DSCAM: variants seen among roughly 807,000 people sequenced by gnomAD.
DSCAM encodes cell adhesion molecule DSCAM.
DSCAM carries 47 observed loss-of-function variants against 217.7 expected under a neutral mutation model. The ratio of observed to expected loss-of-function variants is 0.22; its 90% CI spans 0.17 to 0.28. DSCAM has a LOEUF of 0.28. DSCAM is among the 10% of genes least tolerant of loss of function. DSCAM has a pLI of 1.00. For missense variants in DSCAM, 2,080 were observed against 2,618.3 expected, an observed-to-expected ratio of 0.79 and a Z score of 4.49; for synonymous variants, 1,056 against 1,015.3, an observed-to-expected ratio of 1.04 and a Z score of -0.76.
chr21:40,224,763 C>T (rs1054782960), intron 11 of DSCAM, among the ~76,000 whole-genome samples: 1 of 152,148 alleles, frequency 6.6e-6, no homozygotes, highest in Non-Finnish European at 1.5e-5. Context: ...AGAGACACTG[C>T]ATCCTCTCAA....
intron 8 of DSCAM, 78 bp from the exon 9 acceptor site, chr21:40,312,437 G>T: frequency 6.6e-7 from 1 of 1,507,252 alleles, no homozygotes; most frequent in Non-Finnish European, 9.0e-7. Context: ...ATACGGCACT[G>T]AAAGGGTAGT....
intron 18 of DSCAM, among the ~76,000 whole-genome samples, chr21:40,135,438 C>A (rs1800561827): frequency 6.6e-6 from 1 of 152,198 alleles, no homozygotes; most frequent in South Asian, 2.1e-4. Context: ...ATTTTACAGA[C>A]AAGGAAGTCG....
chr21:40,676,871 T>C (rs1451754528), intron 3 of DSCAM, among the ~76,000 whole-genome samples: 1 of 152,184 alleles, frequency 6.6e-6, no homozygotes, highest in Non-Finnish European at 1.5e-5. Flanking sequence ...AAATCAGAAC[T>C]GTGGAAACGA....
chr21:40,195,341 C>T (rs1431342585), intron 11 of DSCAM, among the ~76,000 whole-genome samples: 2 of 151,984 alleles, frequency 1.3e-5, no homozygotes. Flanking sequence ...GAAAAGAAAA[C>T]AGATTGAAAA....
At chr21:40,515,228 AAG>A (rs1255023885) in intron 3 of DSCAM, among the ~76,000 whole-genome samples, 5 of 152,206 alleles carry the variant, frequency 3.3e-5, no homozygotes, top group African/African-American at 1.2e-4. Flanking sequence ...TTCCTTGAAA[AAG>A]AGTTTTTGCC....
intron 10 of DSCAM, among the ~76,000 whole-genome samples, chr21:40,286,716 GCAGTGTGATCCA>G (rs1189487794): frequency 2.0e-5 from 3 of 150,008 alleles, no homozygotes; most frequent in African/African-American, 4.9e-5. Context: ...AGTGTCATCT[GCAGTGTGATCCA>G]CAGTGTGATC....
At position 40,409,518 on chromosome 21, in the gene DSCAM, C is replaced by A. The variant is rs7276716; in HGVS notation, c.509-40273G>T. 7.2e-5 allele frequency among the ~76,000 whole-genome samples: 11 copies of A among 152,244 alleles called. 1 individual carries two copies. The highest frequency in any genetic ancestry group is 2.4e-4 in the African/African-American group (10 of 41,538). On this transcript the variant is annotated intron_variant, in intron 3 of 32. Transcript: ENST00000400454. ...ATGTAGGAAAAAGTACTAGAGGAAT[C>A]CTAGTGAGAGGTGGACAGATCCTGA...
intron 1 of DSCAM, among the ~76,000 whole-genome samples, chr21:40,764,951 G>T (rs1225425069): frequency 6.6e-6 from 1 of 152,092 alleles, no homozygotes. Context: ...GGCCTGTCAG[G>T]GGGTGGAGGG....
intron 11 of DSCAM, among the ~76,000 whole-genome samples, chr21:40,239,559 TG>T (rs1290395223): frequency 3.4e-4 from 52 of 152,304 alleles, no homozygotes; most frequent in African/African-American, 1.2e-3. Context: ...CAGCATAAGG[TG>T]AATGAGATCA....
intron 3 of DSCAM, among the ~76,000 whole-genome samples, chr21:40,668,034 G>C (rs1360746958): frequency 6.6e-6 from 1 of 152,144 alleles, no homozygotes; most frequent in Non-Finnish European, 1.5e-5. Context: ...GAAGGCCCCA[G>C]TCTCATTCTA....
chr21:40,485,645 G>C (rs7279324), intron 3 of DSCAM, among the ~76,000 whole-genome samples: 29,276 of 151,994 alleles, frequency 0.19, 3,275 homozygotes, highest in African/African-American at 0.31. Context: ...ATGTATTTAA[G>C]TTTAAATAAT....
intron 30 of DSCAM, among the ~76,000 whole-genome samples, chr21:40,047,082 T>G (rs1410450604): frequency 6.6e-6 from 1 of 150,460 alleles, no homozygotes; most frequent in East Asian, 2.0e-4. Context: ...TAGGTCATGA[T>G]ATTAGTTTCC....
At chr21:40,610,022 TC>T (rs1424181016) in intron 3 of DSCAM, among the ~76,000 whole-genome samples, 12 of 152,362 alleles carry the variant, frequency 7.9e-5, no homozygotes, top group African/African-American at 2.4e-4. Context: ...ACGGACTATT[TC>T]TTAGGTTCAC....
chr21:40,072,028 G>A (rs1421075798), intron 27 of DSCAM, among the ~76,000 whole-genome samples: 1 of 152,190 alleles, frequency 6.6e-6, no homozygotes, highest in East Asian at 1.9e-4. Flanking sequence ...TTATGGCAGT[G>A]CTTTGCACAG....
chr21:40,785,298 C>T (rs548883991), intron 1 of DSCAM, among the ~76,000 whole-genome samples: 2 of 152,254 alleles, frequency 1.3e-5, no homozygotes, highest in East Asian at 3.9e-4. Flanking sequence ...GAAAATACTC[C>T]CTTGTAGAGA....
intron 1 of DSCAM, among the ~76,000 whole-genome samples, chr21:40,758,620 T>TG (rs1008178520): frequency 7.2e-5 from 11 of 152,192 alleles, no homozygotes; most frequent in African/African-American, 2.2e-4. Flanking sequence ...TTTCTTATTT[T>TG]GGGGGGTCTA....
chr21:40,424,266 T>C (rs1023891022), intron 3 of DSCAM, among the ~76,000 whole-genome samples: 2 of 152,150 alleles, frequency 1.3e-5, no homozygotes, highest in Non-Finnish European at 2.9e-5. Context: ...TGGCTTTACT[T>C]GGAAATAAGG....
intron 3 of DSCAM, among the ~76,000 whole-genome samples, chr21:40,554,157 G>T (rs574660187): frequency 6.6e-6 from 1 of 151,326 alleles, no homozygotes; most frequent in Non-Finnish European, 1.5e-5. Context: ...GGGACTACAG[G>T]CATGCATCAC....
intron 2 of DSCAM, among the ~76,000 whole-genome samples, chr21:40,703,753 G>A (rs1459632674): frequency 6.6e-6 from 1 of 152,016 alleles, no homozygotes; most frequent in Non-Finnish European, 1.5e-5. Context: ...TGGATCTGTG[G>A]GTTTATAGTT....
Sources: allele counts gnomAD v4.1 joint callset (sites outside exome capture counted in the v4.1 genomes callset), GRCh38; gene constraint gnomAD v4.1.1; transcripts MANE v1.5; gene names NCBI Gene and HGNC (gene_info 2026-07-23, HGNC 2026-07-21).